KDM4B: variants seen among roughly 807,000 people sequenced by gnomAD.
The protein encoded by KDM4B is lysine demethylase 4B.
Under a neutral mutation model 125.2 loss-of-function variants are expected in KDM4B, and 32 were observed. The observed-to-expected ratio is 0.26, with a 90% CI of 0.19 to 0.34. The LOEUF is 0.34. Ranked by LOEUF, KDM4B falls within the 10% of genes least tolerant of loss-of-function variation. The pLI is 1.00. For synonymous variants in KDM4B, 721 were observed against 677.9 expected (o/e 1.06, Z -0.99); for missense variants, 1,190 against 1,577.7 (o/e 0.75, Z 4.16).
intron 2 of KDM4B, among the ~76,000 whole-genome samples, chr19:5,018,113 A>T (rs1403349284): frequency 6.6e-6 from 1 of 152,064 alleles, no homozygotes; most frequent in East Asian, 1.9e-4. Flanking sequence ...ATCATAGCTC[A>T]CTGCAGCCTC....
intron 10 of KDM4B, among the ~76,000 whole-genome samples, chr19:5,118,840 T>C (rs949741692): frequency 5.3e-5 from 8 of 152,298 alleles, no homozygotes; most frequent in Non-Finnish European, 1.0e-4. Context: ...ACCCCAGGAT[T>C]GTGGGTGTCC....
chr19:5,138,061 G>A lies in KDM4B; in HGVS notation c.2541G>A (p.Arg847=). Residue 847 remains arginine, a synonymous_variant, in exon 18 of 23, where the codon CGG becomes CGA. Transcript: ENST00000159111. ...ACATCAGCGCCATCCCCGAGCAGCG[G>A]TGGAAGCTGGTAGGTCCTTGCGGTC... ...PVDISAIPEQ[R]WKLKCVYCRK... 6.2e-7 allele frequency: 1 copy of A among 1,611,854 alleles called. No homozygotes were observed. Among genetic ancestry groups the A allele is most frequent in the Non-Finnish European group, 8.5e-7 (1 of 1,179,588 alleles).
rs374300542 is a variant in KDM4B at position 5,137,346 on chromosome 19, G to A, written c.2385+8G>A. The A allele has an allele frequency of 1.4e-4, 215 of 1,555,638 alleles. No individual in the cohort carries two copies. Among genetic ancestry groups the A allele is most frequent in the Non-Finnish European group, 1.7e-4 (195 of 1,149,752 alleles). On this transcript the variant is annotated splice_region_variant and intron_variant, in intron 16 of 22. Coordinates refer to ENST00000159111, the MANE Select transcript of KDM4B (RefSeq NM_015015.3). ...GCCCACGCCTGGACTGCGGTAACTC[G>A]CTCCCCGCAGCGGGGGTGGTGCTCT...
chr19:4,994,487 C>G (rs142129780), intron 1 of KDM4B, among the ~76,000 whole-genome samples: 1 of 141,494 alleles, frequency 7.1e-6, no homozygotes, highest in African/African-American at 2.6e-5. Context: ...CGCTTGAACC[C>G]GGGAGGTGGA....
chr19:4,974,202 C>A (rs1375332438), intron 1 of KDM4B, among the ~76,000 whole-genome samples: 1 of 151,848 alleles, frequency 6.6e-6, no homozygotes, highest in African/African-American at 2.4e-5. Flanking sequence ...TCGAGACCAT[C>A]CTGGCTAACA....
chr19:5,084,456 T>C (rs2038410447), intron 9 of KDM4B, among the ~76,000 whole-genome samples: 1 of 140,220 alleles, frequency 7.1e-6, no homozygotes. Flanking sequence ...GTTATAATAA[T>C]TTATATATTA....
chr19:4,973,883 A>G (rs531891414), intron 1 of KDM4B, among the ~76,000 whole-genome samples: 84 of 151,838 alleles, frequency 5.5e-4, no homozygotes, highest in Middle Eastern at 3.4e-3. Flanking sequence ...TAATCCCAGC[A>G]CTTTGGGAGG....
intron 21 of KDM4B, among the ~76,000 whole-genome samples, chr19:5,149,194 C>T (rs1260305708): frequency 2.0e-5 from 3 of 152,242 alleles, no homozygotes; most frequent in Non-Finnish European, 4.4e-5. Context: ...GCTGCGATCC[C>T]GGGCCCCCCC....
intron 3 of KDM4B, among the ~76,000 whole-genome samples, chr19:5,037,956 A>C (rs2036682661): frequency 6.6e-6 from 1 of 152,386 alleles, no homozygotes; most frequent in East Asian, 1.9e-4. Flanking sequence ...TTCATTGCCA[A>C]GCAAAACAGT....
chr19:5,110,549 G>A lies in KDM4B; in HGVS notation c.919-73G>A. ...GAGGCCCGGGCCGTGAGCCCTACCTGCTCTGGGGTGGGGTGTGTGGAGCCA... is the reference window on the plus strand; with the variant it reads ...GAGGCCCGGGCCGTGAGCCCTACCTACTCTGGGGTGGGGTGTGTGGAGCCA... On this transcript the variant is annotated intron_variant, in intron 9 of 22. Coordinates refer to ENST00000159111, the MANE Select transcript of KDM4B (RefSeq NM_015015.3). The A allele has an allele frequency of 3.3e-6, 5 of 1,501,026 alleles. 1 individual carries two copies. In the Admixed American group the frequency reaches 5.1e-5, roughly 15 times the overall value. 93.0% of individuals were successfully genotyped at this position (1,501,026 alleles called of 1,614,324 possible). A position where few individuals can be genotyped will look rare whatever the true frequency, so the allele number is the denominator to read the frequency against.
chr19:5,125,531 C>G (rs2039433909), intron 11 of KDM4B, among the ~76,000 whole-genome samples: 1 of 152,356 alleles, frequency 6.6e-6, no homozygotes, highest in East Asian at 1.9e-4. Flanking sequence ...CACTCACCAT[C>G]CTGTTTAAAG....
intron 11 of KDM4B, among the ~76,000 whole-genome samples, chr19:5,121,484 G>A (rs1466360270): frequency 6.6e-6 from 1 of 152,174 alleles, no homozygotes; most frequent in Non-Finnish European, 1.5e-5. Context: ...GTGACTCGGG[G>A]ATCGAGCGGA....
chr19:4,994,849 A>G (rs903555316), intron 1 of KDM4B, among the ~76,000 whole-genome samples: 1 of 152,114 alleles, frequency 6.6e-6, no homozygotes, highest in East Asian at 1.9e-4. Flanking sequence ...TGTTAGCACT[A>G]TATTTTTGGA....
chr19:5,007,242 A>G (rs1006655412), intron 1 of KDM4B, among the ~76,000 whole-genome samples: 5 of 152,204 alleles, frequency 3.3e-5, no homozygotes, highest in African/African-American at 1.2e-4. Flanking sequence ...AGAGGTTTCT[A>G]GAAGGTCCTG....
At chr19:5,041,831 G>T (rs1461046404) in intron 5 of KDM4B, among the ~76,000 whole-genome samples, 4 of 152,268 alleles carry the variant, frequency 2.6e-5, no homozygotes, top group Admixed American at 2.0e-4. Context: ...TGCGTGGCGG[G>T]TGTGTGTGGA....
intron 9 of KDM4B, among the ~76,000 whole-genome samples, chr19:5,099,990 G>A (rs757924933): frequency 1.2e-4 from 18 of 152,262 alleles, no homozygotes; most frequent in African/African-American, 1.7e-4. Flanking sequence ...TCTGGGTGGC[G>A]GATAGTTTGG....
intron 9 of KDM4B, among the ~76,000 whole-genome samples, chr19:5,084,895 A>C (rs1314406223): frequency 1.4e-5 from 2 of 142,876 alleles, no homozygotes; most frequent in Non-Finnish European, 3.0e-5. Context: ...TTATAGAGAC[A>C]GGGTCTTAAT....
At chr19:5,116,837 C>T (rs2039265792) in intron 10 of KDM4B, among the ~76,000 whole-genome samples, 1 of 152,068 alleles carries the variant, frequency 6.6e-6, no homozygotes, top group Non-Finnish European at 1.5e-5. Flanking sequence ...AAGACGGTGG[C>T]AGGTGCAGGG....
At chr19:5,118,136 C>T (rs1202700488) in intron 10 of KDM4B, among the ~76,000 whole-genome samples, 3 of 152,140 alleles carry the variant, frequency 2.0e-5, no homozygotes, top group Non-Finnish European at 2.9e-5. Context: ...ACAGAAGCCC[C>T]GGCAGCGGGC....
Sources: allele counts gnomAD v4.1 joint callset (sites outside exome capture counted in the v4.1 genomes callset), GRCh38; gene constraint gnomAD v4.1.1; transcripts MANE v1.5; gene names NCBI Gene and HGNC (gene_info 2026-07-23, HGNC 2026-07-21).